Variants in EQTN observed in about 807,000 individuals in gnomAD.
The protein encoded by EQTN is equatorin.
A neutral mutation model predicts 26.9 loss-of-function variants in EQTN; 29 were observed. That is an observed-to-expected ratio of 1.08 (90% CI 0.80 to 1.47). The LOEUF is 1.47. EQTN is among the 40% of genes most tolerant of loss of function. The pLI is 0.00. For synonymous variants in EQTN, 129 were observed against 120.0 expected (o/e 1.07, Z -0.49); for missense variants, 391 against 346.1 (o/e 1.13, Z -1.03).
At chr9:27,286,392 AG>A (rs1292361079) in intron 6 of EQTN, 30 bp from the exon 7 acceptor site, 1 of 1,559,484 alleles carries the variant, frequency 6.4e-7, no homozygotes, top group Non-Finnish European at 8.7e-7. Flanking sequence ...AGTGGAAAAT[AG>A]GGTGTTCAGT....
At chr9:27,287,335 C>A (rs188923954) in intron 6 of EQTN, among the ~76,000 whole-genome samples, 2 of 152,254 alleles carry the variant, frequency 1.3e-5, no homozygotes, top group East Asian at 3.9e-4. Context: ...TGCTTCGAGG[C>A]CTGTTATTTT....
intron 7 of EQTN, 27 bp from the exon 8 acceptor site, chr9:27,284,999 G>A (rs1288077993): frequency 1.9e-6 from 3 of 1,588,102 alleles, no homozygotes; most frequent in East Asian, 2.2e-5. Context: ...CATATATCAA[G>A]AATTGTTTTT....
In EQTN at chr9:27,296,993, C is replaced by T. The variant is rs1175426357; in HGVS notation, c.63G>A (p.Lys21=). ...ATGCTCTCTCACCTTCAATAGTAGGCTTCAAAGTGCTACTTTTTAAGGAAA... is the reference window on the plus strand; with the variant it reads ...ATGCTCTCTCACCTTCAATAGTAGGTTTCAAAGTGCTACTTTTTAAGGAAA... The part of the protein sequence containing the change: ...GVFSLKSSTL[K]PTIEALPNVL... Residue 21 remains lysine (K), a synonymous_variant, in exon 1 of 8, where the codon AAG becomes AAA. Coordinates refer to ENST00000380032, the MANE Select transcript of EQTN (RefSeq NM_020641.3). 6.8e-6 allele frequency: 11 copies of T among 1,611,736 alleles called. No homozygotes were observed. Among genetic ancestry groups the T allele is most frequent in the Non-Finnish European group, 9.3e-6 (11 of 1,179,108 alleles).
At chr9:27,295,593 G>A (rs1820318228) in intron 2 of EQTN, among the ~76,000 whole-genome samples, 1 of 152,110 alleles carries the variant, frequency 6.6e-6, no homozygotes, top group African/African-American at 2.4e-5. Flanking sequence ...CAGCACTTTG[G>A]GAGGCCGAGG....
chr9:27,288,114 G>A (rs1302692817), intron 6 of EQTN, among the ~76,000 whole-genome samples: 4 of 152,084 alleles, frequency 2.6e-5, no homozygotes, highest in Non-Finnish European at 5.9e-5. Flanking sequence ...TTTTCTTGAA[G>A]CGCCACAAGG....
chr9:27,293,770 G>A (rs981490729), intron 3 of EQTN, among the ~76,000 whole-genome samples: 4 of 152,260 alleles, frequency 2.6e-5, no homozygotes, highest in Non-Finnish European at 4.4e-5. Flanking sequence ...TAAGCCCTTG[G>A]AATGTTACTG....
rs748907309 is a variant in EQTN at position 27,289,747 on chromosome 9, G to A, written c.422-16C>T. On this transcript the variant is annotated splice_polypyrimidine_tract_variant and intron_variant, in intron 5 of 7. Coordinates refer to ENST00000380032, the MANE Select transcript of EQTN (RefSeq NM_020641.3). ...CCATTTATAGCTGTTAAAACAAATT[G>A]GGGTTATGGTAAACAACGTTCACTT... The A allele has an allele frequency of 6.3e-7, 1 of 1,596,032 alleles. No homozygotes were observed. Among genetic ancestry groups the A allele is most frequent in the Non-Finnish European group, 8.6e-7 (1 of 1,169,298 alleles).
At chr9:27,295,831 C>CAAAAAAAAAAAAAAAAAAAAAAAAAAAAA (rs67401588) in intron 2 of EQTN, among the ~76,000 whole-genome samples, 1 of 69,294 alleles carries the variant, frequency 1.4e-5, no homozygotes, top group Non-Finnish European at 2.3e-5. Context: ...GACTCCGTCT[C>CAAAAAAAAAAAAAAAAAAAAAAAAAAAAA]AAAAAAAAAA....
At chr9:27,290,755 A>G (rs1820218345) in intron 5 of EQTN, among the ~76,000 whole-genome samples, 1 of 152,254 alleles carries the variant, frequency 6.6e-6, no homozygotes, top group Non-Finnish European at 1.5e-5. Context: ...TTGAGCAAGA[A>G]TCTTATTGAA....
chr9:27,284,774 G>A lies in EQTN; in HGVS notation c.834C>T (p.Ser278=). The A allele has an allele frequency of 6.2e-7, 1 of 1,614,070 alleles. No individual in the cohort carries two copies. Among genetic ancestry groups the A allele is most frequent in the South Asian group, 1.1e-5 (1 of 91,068 alleles). ...CATGCATCTCATTATCTGAGCCTAT[G>A]GAAATGATATCCGTCATTATCTTAG... The part of the protein sequence containing the change: ...SESKIMTDII[S]IGSDNEMHEN... The change falls in exon 8 of 8, where the codon TCC becomes TCT. Residue 278 remains serine, a synonymous_variant. Transcript: ENST00000380032.
chr9:27,291,454 T>G (rs566557804), intron 4 of EQTN, among the ~76,000 whole-genome samples: 2 of 152,282 alleles, frequency 1.3e-5, no homozygotes, highest in East Asian at 3.9e-4. Flanking sequence ...GAGAGCGAGC[T>G]CATTCCAGCC....
chr9:27,287,625 G>A (rs1820147597), intron 6 of EQTN, among the ~76,000 whole-genome samples: 1 of 152,094 alleles, frequency 6.6e-6, no homozygotes, highest in African/African-American at 2.4e-5. Context: ...ACATAATAAT[G>A]TATCTACAAC....
At chr9:27,290,274 A>G (rs1563831857) in intron 5 of EQTN, among the ~76,000 whole-genome samples, 1 of 152,002 alleles carries the variant, frequency 6.6e-6, no homozygotes, top group Non-Finnish European at 1.5e-5. Flanking sequence ...TTATTTACAG[A>G]ACGAGAGCTG....
At chr9:27,295,649 C>T (rs1299818608) in intron 2 of EQTN, among the ~76,000 whole-genome samples, 1 of 151,778 alleles carries the variant, frequency 6.6e-6, no homozygotes, top group East Asian at 1.9e-4. Flanking sequence ...CTGGCTAACA[C>T]TGTGAAACCC....
rs867613664 is a variant in EQTN at position 27,296,263 on chromosome 9, G to C, written c.202+350C>G. ...AGGCTGGCTGCAGTGAGCCATGGTC[G>C]TGCCACTGCACTCCAGCCTGGGTGA... On this transcript the variant is annotated intron_variant, in intron 2 of 7. Coordinates refer to ENST00000380032, the MANE Select transcript of EQTN (RefSeq NM_020641.3). 1.5e-4 allele frequency among the ~76,000 whole-genome samples: 23 copies of C among 152,234 alleles called. No individual in the cohort carries two copies. In the Middle Eastern group the frequency reaches 0.014, roughly 90 times the overall value.
chr9:27,294,312 T>C lies in EQTN; in HGVS notation c.289+4A>G, dbSNP rs1820293869. On this transcript the variant is annotated splice_donor_region_variant and intron_variant, in intron 3 of 7. Coordinates refer to ENST00000380032, the MANE Select transcript of EQTN (RefSeq NM_020641.3). ...CATGTGCAATGGTGCCTTTCACTTC[T>C]TACCGTTTTTTAGAGCAAAATTCAG... The C allele has an allele frequency of 6.2e-7, 1 of 1,605,532 alleles. No individual in the cohort carries two copies. Among genetic ancestry groups the C allele is most frequent in the Non-Finnish European group, 8.5e-7 (1 of 1,173,948 alleles).
Position 27,291,043 on chromosome 9 carries a change from C to T in EQTN, c.397G>A (p.Ala133Thr). Residue 133 changes from alanine to threonine, a missense_variant, in exon 5 of 8, where the codon GCA becomes ACA. By Grantham distance (58) the Ala-to-Thr change is moderately conservative. Coordinates refer to ENST00000380032, the MANE Select transcript of EQTN (RefSeq NM_020641.3). ...CCTTTAGCTAACATTGTCCAAAATG[C>T]AGGCACGTTTGGGGTTGATCCTGTT... ...NIQRSTPNVP[A>T]FWTMLAKAIN... 1 of 1,612,040 alleles carries T rather than the reference C, an allele frequency of 6.2e-7. No homozygotes were observed. The highest frequency in any genetic ancestry group is 1.3e-5 in the African/African-American group (1 of 74,950).
intron 6 of EQTN, among the ~76,000 whole-genome samples, chr9:27,287,843 C>A (rs1378851496): frequency 6.6e-6 from 1 of 152,146 alleles, no homozygotes; most frequent in Non-Finnish European, 1.5e-5. Context: ...GTCACCCAGG[C>A]TAGAGTGCAG....
chr9:27,296,903 C>T, intron 1 of EQTN, 77 bp downstream of exon 1: 1 of 1,572,356 alleles, frequency 6.4e-7, no homozygotes, highest in African/African-American at 1.4e-5. Context: ...TAGAAAACTG[C>T]CACATACCAA....
Sources: allele counts gnomAD v4.1 joint callset (sites outside exome capture counted in the v4.1 genomes callset), GRCh38; gene constraint gnomAD v4.1.1; transcripts MANE v1.5; gene names NCBI Gene and HGNC (gene_info 2026-07-23, HGNC 2026-07-21).